Variants in CYP2F1 observed in about 807,000 individuals in gnomAD.
CYP2F1 encodes cytochrome P450 family 2 subfamily F member 1, also known as cytochrome P450 2F1.
A neutral mutation model predicts 40.4 loss-of-function variants in CYP2F1; 33 were observed. The ratio of observed to expected loss-of-function variants is 0.82; its 90% CI spans 0.62 to 1.09. CYP2F1 has a LOEUF of 1.09. Ranked by LOEUF, CYP2F1 falls within the 50% of genes least tolerant of loss-of-function variation. The probability of loss-of-function intolerance (pLI) is 0.00; values close to 1 mark genes in which losing one functional copy is unlikely to be tolerated. For missense variants in CYP2F1, 566 were observed against 655.7 expected, an observed-to-expected ratio of 0.86 and a Z score of 1.49; for synonymous variants, 235 against 277.2, an observed-to-expected ratio of 0.85 and a Z score of 1.51.
At chr19:41,121,132 GTGT>G (rs989687682) in intron 4 of CYP2F1, among the ~76,000 whole-genome samples, 1 of 152,046 alleles carries the variant, frequency 6.6e-6, no homozygotes, top group African/African-American at 2.4e-5. Context: ...CTGTTGCCCT[GTGT>G]TGTTGTGTTC....
At chr19:41,115,211 T>C (rs2144743221) in intron 1 of CYP2F1, among the ~76,000 whole-genome samples, 1 of 152,234 alleles carries the variant, frequency 6.6e-6, no homozygotes, top group South Asian at 2.1e-4. Context: ...CTGTCTGTCA[T>C]TCTCGTCTCC....
rs761992827 is a variant in CYP2F1 at position 41,121,510 on chromosome 19, C to G, written c.537C>G (p.Ile179Met). 1 of 1,609,892 alleles carries G rather than the reference C, an allele frequency of 6.2e-7. No homozygotes were observed. The highest frequency in any genetic ancestry group is 8.5e-7 in the Non-Finnish European group (1 of 1,179,708). The change falls in exon 5 of 10, where the codon ATC (isoleucine) becomes ATG (methionine). Residue 179 changes from isoleucine (I) to methionine (M), a missense_variant. Ile to Met is a conservative substitution (Grantham distance 10). Around this residue, in one of 5 missense-constraint regions of CYP2F1, gnomAD observed 264 missense variants for 275.7 expected, o/e 0.96. Transcript: ENST00000331105. ...TGAGTCGCTCAGTGTCCAACATTAT[C>G]TGTTCCGTGCTCTTCGGCAGCCGCT... The part of the protein sequence containing the change: ...FVLSRSVSNI[I>M]CSVLFGSRFD...
rs1256184433 is a variant in CYP2F1, at chr19:41,125,607, A to T, written c.1267A>T (p.Ser423Cys). Residue 423 changes from serine (S) to cysteine (C), a missense_variant, in exon 9 of 10, where the codon AGT becomes TGT. Coordinates refer to ENST00000331105, the MANE Select transcript of CYP2F1 (RefSeq NM_000774.5). ...GGATGCCAATCAGTCCTTCAAGAAG[A>T]GTCCAGCCTTCATGCCCTTCTCAGC... Reference protein sequence around the residue: ...FLDANQSFKKSPAFMPFSAGR... With the variant: ...FLDANQSFKKCPAFMPFSAGR... The T allele has an allele frequency of 3.7e-6, 6 of 1,612,598 alleles. No homozygotes were observed. In the Admixed American group the frequency reaches 1.0e-4, roughly 27 times the overall value.
chr19:41,116,927 G>A (rs1299430247), intron 3 of CYP2F1, among the ~76,000 whole-genome samples: 1 of 151,898 alleles, frequency 6.6e-6, no homozygotes, highest in Non-Finnish European at 1.5e-5. Flanking sequence ...ACTCAGTCAA[G>A]TGGCCCCAGT....
chr19:41,116,556 G>A lies in CYP2F1; in HGVS notation c.273G>A (p.Gln91=). ...YQAVKEALVD[Q]GEEFSGRGDY... The stretch of plus-strand genomic sequence containing the variant: ...CTGTGAAGGAGGCCCTGGTGGACCA[G>A]GGAGAGGAGTTTAGTGGCCGCGGTG... Residue 91 remains glutamine (Q), a synonymous_variant, in exon 3 of 10, where the codon CAG becomes CAA. Transcript: ENST00000331105. 2 of 1,614,062 alleles carry A rather than the reference G, an allele frequency of 1.2e-6. No individual in the cohort carries two copies. The highest frequency in any genetic ancestry group is 1.7e-6 in the Non-Finnish European group (2 of 1,179,992).
intron 1 of CYP2F1, among the ~76,000 whole-genome samples, chr19:41,114,858 C>CTCCTGGGTTCAA (rs1568373749): frequency 6.8e-6 from 1 of 147,866 alleles, no homozygotes; most frequent in Non-Finnish European, 1.5e-5. Context: ...CAACCTCCAC[C>CTCCTGGGTTCAA]TCCTGGGTTC....
intron 3 of CYP2F1, 86 bp from the exon 4 acceptor site, chr19:41,120,261 C>G: frequency 7.4e-7 from 1 of 1,352,994 alleles, no homozygotes; most frequent in Non-Finnish European, 1.0e-6. Flanking sequence ...TGTCTCTCTC[C>G]CAGCAAATAC....
intron 3 of CYP2F1, among the ~76,000 whole-genome samples, chr19:41,119,418 G>A (rs547775159): frequency 6.6e-6 from 1 of 151,824 alleles, no homozygotes; most frequent in Non-Finnish European, 1.5e-5. Flanking sequence ...TTTGGTACCA[G>A]CCTGGCCAAC....
At position 41,124,758 on chromosome 19, in the gene CYP2F1, C is replaced by A; in HGVS notation, c.1004C>A (p.Ala335Glu). The A allele has an allele frequency of 1.9e-6, 3 of 1,606,516 alleles. No homozygotes were observed. The highest frequency in any genetic ancestry group is 2.5e-6 in the Non-Finnish European group (3 of 1,179,372). The change falls in exon 8 of 10, where the codon GCG becomes GAG. Residue 335 changes from alanine (A) to glutamate (E), a missense_variant. Physicochemically the swap from Ala to Glu is moderately radical, Grantham distance 107. Coordinates refer to ENST00000331105, the MANE Select transcript of CYP2F1 (RefSeq NM_000774.5). ...QEEIDLVVGR[A>E]RLPALKDRAA... The stretch of plus-strand genomic sequence containing the variant: ...GAGATCGACCTCGTGGTGGGACGCG[C>A]GCGGCTGCCGGCGCTGAAGGACCGC...
At chr19:41,125,120 T>G in intron 8 of CYP2F1, 1 of 573,434 alleles carries the variant, frequency 1.7e-6, no homozygotes, top group Non-Finnish European at 3.0e-6. Context: ...CTAGACCCCT[T>G]CACCATGACA....
chr19:41,118,742 C>T (rs905865678), intron 3 of CYP2F1, among the ~76,000 whole-genome samples: 1 of 152,204 alleles, frequency 6.6e-6, no homozygotes, highest in Admixed American at 6.5e-5. Flanking sequence ...AGCTGTGTAC[C>T]CTTGGGCCAG....
chr19:41,126,853 G>T (rs59812390), intron 9 of CYP2F1, among the ~76,000 whole-genome samples: 9,785 of 152,216 alleles, frequency 0.064, 728 homozygotes, highest in African/African-American at 0.18. Context: ...CCTCTCCACT[G>T]GGTGGCGCAG....
chr19:41,122,997 C>G (rs2032320838), intron 7 of CYP2F1, 34 bp downstream of exon 7: 1 of 1,593,662 alleles, frequency 6.3e-7, no homozygotes, highest in African/African-American at 1.3e-5. Context: ...GTGGAGGTGC[C>G]CATGTGTTCC....
rs557926981 is a variant in CYP2F1, at chr19:41,115,028, C to T, written c.-12+536C>T. Reference sequence around the variant, plus strand: ...CAAGTGATCCGCCTGCCTCGGCCTCCCAGAGTGCTGGGATTACAGGCGTGA... The same window carrying T: ...CAAGTGATCCGCCTGCCTCGGCCTCTCAGAGTGCTGGGATTACAGGCGTGA... On this transcript the variant is annotated intron_variant, in intron 1 of 9. Coordinates refer to ENST00000331105, the MANE Select transcript of CYP2F1 (RefSeq NM_000774.5). 2.0e-5 allele frequency among the ~76,000 whole-genome samples: 3 copies of T among 152,228 alleles called. No individual in the cohort carries two copies. The South Asian group carries it at 6.2e-4, about 32-fold the overall frequency.
intron 3 of CYP2F1, among the ~76,000 whole-genome samples, chr19:41,119,723 C>CTCTCTCTCTCTA (rs1478574507): frequency 5.0e-4 from 18 of 35,796 alleles, no homozygotes; most frequent in Non-Finnish European, 6.8e-4. Flanking sequence ...CTCTCTCTCT[C>CTCTCTCTCTCTA]TATATATATA....
rs560583866 is a variant in CYP2F1, at chr19:41,128,120, G to T, written c.*38G>T. ...TCCAGATTCGCCTGTGAGCGATGAG[G>T]CCCGCCCATGCGGGTTGCTACGTCC... On this transcript the variant is annotated 3_prime_UTR_variant, in exon 10 of 10. Coordinates refer to ENST00000331105, the MANE Select transcript of CYP2F1 (RefSeq NM_000774.5). 27 of 1,569,954 alleles carry T rather than the reference G, an allele frequency of 1.7e-5. No homozygotes were observed. Among genetic ancestry groups the T allele is most frequent in the Non-Finnish European group, 2.2e-5 (25 of 1,156,722 alleles).
intron 3 of CYP2F1, among the ~76,000 whole-genome samples, chr19:41,119,120 G>A (rs1459428485): frequency 6.6e-6 from 1 of 152,108 alleles, no homozygotes; most frequent in Non-Finnish European, 1.5e-5. Flanking sequence ...TGGAAGAGGG[G>A]ACCTCTAAGC....
intron 4 of CYP2F1, 93 bp downstream of exon 4, chr19:41,120,589 C>A: frequency 7.2e-7 from 1 of 1,385,586 alleles, no homozygotes; most frequent in Non-Finnish European, 1.0e-6. Context: ...CCAAACCATC[C>A]TCCCACCTCA....
Position 41,128,308 on chromosome 19 carries a change from T to C in CYP2F1, c.*226T>C. On this transcript the variant is annotated 3_prime_UTR_variant, in exon 10 of 10. Coordinates refer to ENST00000331105, the MANE Select transcript of CYP2F1 (RefSeq NM_000774.5). ...TTTTGTACCCACAGAGCTTGTTCTA[T>C]GGCACGCCCTTTTCTAGGCTTTTTG... The C allele has an allele frequency of 2.1e-6, 1 of 484,596 alleles. No individual in the cohort carries two copies. The highest frequency in any genetic ancestry group is 3.6e-5 in the Admixed American group (1 of 27,506). 30.0% of individuals were successfully genotyped at this position (484,596 alleles called of 1,614,324 possible).
Sources: allele counts gnomAD v4.1 joint callset (sites outside exome capture counted in the v4.1 genomes callset), GRCh38; gene constraint gnomAD v4.1.1; regional missense constraint gnomAD v4.1.1; transcripts MANE v1.5; gene names NCBI Gene and HGNC (gene_info 2026-07-23, HGNC 2026-07-21).